IMMP2L: variants seen among roughly 807,000 people sequenced by gnomAD.
IMMP2L encodes mitochondrial inner membrane protease subunit 2.
IMMP2L carries 18 observed loss-of-function variants against 19.3 expected under a neutral mutation model. The observed-to-expected ratio is 0.93, with a 90% CI of 0.64 to 1.38. The LOEUF (loss-of-function observed/expected upper bound fraction) is 1.38, where lower values mean the gene tolerates loss of function less well. Ranked by LOEUF, IMMP2L falls within the 40% of genes most tolerant of loss-of-function variation. The pLI is 0.00. For synonymous variants in IMMP2L, 76 were observed against 73.0 expected (o/e 1.04, Z -0.21); for missense variants, 233 against 218.2 (o/e 1.07, Z -0.43).
chr7:111,131,115 G>C (rs1466309131), intron 3 of IMMP2L, among the ~76,000 whole-genome samples: 1 of 150,558 alleles, frequency 6.6e-6, no homozygotes, highest in Non-Finnish European at 1.5e-5. Flanking sequence ...TCTAACCACG[G>C]ATATGGCATA....
intron 1 of IMMP2L, among the ~76,000 whole-genome samples, chr7:111,526,783 T>A (rs1293188828): frequency 6.6e-6 from 1 of 152,150 alleles, no homozygotes; most frequent in Admixed American, 6.6e-5. Context: ...TGGAAACATG[T>A]CTTCTCTTTG....
intron 2 of IMMP2L, among the ~76,000 whole-genome samples, chr7:111,488,743 C>T (rs1008520005): frequency 6.6e-6 from 1 of 152,060 alleles, no homozygotes; most frequent in Non-Finnish European, 1.5e-5. Context: ...CTGGATCAAA[C>T]GGTTGATCGA....
rs748838068 is a variant in IMMP2L at position 111,521,463 on chromosome 7, G to A, written c.-2-14C>T. 1.2e-5 allele frequency: 19 copies of A among 1,572,084 alleles called. No individual in the cohort carries two copies. The highest frequency in any genetic ancestry group is 4.7e-5 in the South Asian group (4 of 85,352). On this transcript the variant is annotated splice_polypyrimidine_tract_variant and intron_variant, in intron 1 of 5. Coordinates refer to ENST00000405709, the MANE Select transcript of IMMP2L (RefSeq NM_032549.4). ...ACTGTGCCATACCTAAAAATACAAA[G>A]AAAACAACTATGAAATTAGTCTCAA... is the stretch of plus-strand genomic sequence containing the variant.
chr7:111,287,856 T>C (rs1820667567), intron 3 of IMMP2L, among the ~76,000 whole-genome samples: 1 of 152,152 alleles, frequency 6.6e-6, no homozygotes, highest in Non-Finnish European at 1.5e-5. Flanking sequence ...TGATGGATAG[T>C]TGGACCAACA....
chr7:110,836,027 G>A (rs960344598), intron 5 of IMMP2L, among the ~76,000 whole-genome samples: 2 of 152,048 alleles, frequency 1.3e-5, no homozygotes, highest in African/African-American at 4.8e-5. Flanking sequence ...ATATATTAAT[G>A]AATGACAGAT....
intron 3 of IMMP2L, among the ~76,000 whole-genome samples, chr7:111,080,207 A>T (rs940622366): frequency 6.6e-6 from 1 of 152,184 alleles, no homozygotes; most frequent in Non-Finnish European, 1.5e-5. Context: ...TGGACTGCAG[A>T]TCTTATTGCT....
intron 3 of IMMP2L, among the ~76,000 whole-genome samples, chr7:111,355,264 A>T (rs1305817665): frequency 6.6e-6 from 1 of 151,890 alleles, no homozygotes; most frequent in Non-Finnish European, 1.5e-5. Flanking sequence ...ATAAATTTTT[A>T]AAAGTTAAAA....
At chr7:110,746,531 A>G (rs1163863266) in intron 5 of IMMP2L, among the ~76,000 whole-genome samples, 1 of 152,202 alleles carries the variant, frequency 6.6e-6, no homozygotes. Flanking sequence ...GCAAATGCAA[A>G]ATAATGCACA....
At chr7:111,175,413 G>C (rs560748007) in intron 3 of IMMP2L, among the ~76,000 whole-genome samples, 2 of 151,672 alleles carry the variant, frequency 1.3e-5, no homozygotes, top group Non-Finnish European at 2.9e-5. Flanking sequence ...TAATATGGGG[G>C]GTAGGAGAGA....
chr7:111,060,042 G>C (rs1793878884), intron 3 of IMMP2L, among the ~76,000 whole-genome samples: 2 of 152,088 alleles, frequency 1.3e-5, no homozygotes, highest in African/African-American at 4.8e-5. Context: ...TTCTTTCAGT[G>C]TCTAGAAAAC....
At chr7:110,704,948 G>A (rs542531940) in intron 5 of IMMP2L, among the ~76,000 whole-genome samples, 1 of 152,034 alleles carries the variant, frequency 6.6e-6, no homozygotes, top group African/African-American at 2.4e-5. Context: ...TAGACCAGAT[G>A]AAATCACCTC....
chr7:110,818,525 A>T lies in IMMP2L; in HGVS notation c.408+68068T>A, dbSNP rs1802744108. Among the ~76,000 whole-genome samples, 9 of 152,144 alleles carry T rather than the reference A, an allele frequency of 5.9e-5. No individual in the cohort carries two copies. The South Asian group carries it at 1.9e-3, about 32-fold the overall frequency. ...TTTTACACTGTTGGTGGGACTGTAA[A>T]CTAGTTCAACCATTGTGGAAGTTGG... On this transcript the variant is annotated intron_variant, in intron 5 of 5. Coordinates refer to ENST00000405709, the MANE Select transcript of IMMP2L (RefSeq NM_032549.4).
intron 3 of IMMP2L, among the ~76,000 whole-genome samples, chr7:111,463,006 C>G (rs1695581512): frequency 6.6e-6 from 1 of 152,092 alleles, no homozygotes. Flanking sequence ...AAGGTATTCT[C>G]ACAGTTCCGG....
chr7:111,141,646 A>G (rs970902338), intron 3 of IMMP2L, among the ~76,000 whole-genome samples: 7 of 152,064 alleles, frequency 4.6e-5, no homozygotes, highest in African/African-American at 1.7e-4. Context: ...TTTATTCCTC[A>G]TTGGCATTTT....
intron 3 of IMMP2L, among the ~76,000 whole-genome samples, chr7:111,395,708 C>T (rs1440242970): frequency 1.3e-5 from 2 of 152,116 alleles, no homozygotes; most frequent in African/African-American, 2.4e-5. Context: ...ACACAACTAT[C>T]TATAGTAATA....
chr7:110,872,013 C>T (rs1034125770), intron 5 of IMMP2L, among the ~76,000 whole-genome samples: 3 of 152,072 alleles, frequency 2.0e-5, no homozygotes, highest in Non-Finnish European at 2.9e-5. Context: ...GATCACTTAT[C>T]TCTCCTCCCT....
At chr7:110,927,876 T>A (rs1191818189) in intron 4 of IMMP2L, among the ~76,000 whole-genome samples, 1 of 152,156 alleles carries the variant, frequency 6.6e-6, no homozygotes, top group Non-Finnish European at 1.5e-5. Flanking sequence ...CACATTATTT[T>A]ATAAATGAAA....
intron 3 of IMMP2L, among the ~76,000 whole-genome samples, chr7:111,197,483 A>C (rs1809637069): frequency 6.6e-6 from 1 of 152,150 alleles, no homozygotes; most frequent in Non-Finnish European, 1.5e-5. Flanking sequence ...GAAGAGAACA[A>C]AACAAAAATG....
At chr7:110,817,401 A>C (rs890602978) in intron 5 of IMMP2L, among the ~76,000 whole-genome samples, 13 of 152,224 alleles carry the variant, frequency 8.5e-5, no homozygotes, top group African/African-American at 2.4e-4. Flanking sequence ...AATCCAACTT[A>C]CAAGGGATGT....
Sources: gnomAD v4.1 joint callset for allele counts (sites outside exome capture counted in the v4.1 genomes callset) on GRCh38, gnomAD v4.1.1 for gene constraint, MANE v1.5 for transcripts, NCBI Gene and HGNC (gene_info 2026-07-23, HGNC 2026-07-21) for gene names.